The following AP4E1 variants were observed in gnomAD, a reference collection of about 807,000 sequenced individuals.
The protein encoded by AP4E1 is AP-4 complex subunit epsilon-1.
In AP4E1, 56 loss-of-function variants were observed where a neutral mutation model predicts 128.2. The observed-to-expected ratio is 0.44, with a 90% confidence interval of 0.35 to 0.55. The LOEUF is 0.55. Ranked by LOEUF, AP4E1 falls within the 20% of genes least tolerant of loss-of-function variation. The pLI, the probability that AP4E1 is intolerant of heterozygous loss-of-function variation, is 0.00. For missense variants in AP4E1, 1,324 were observed against 1,307.7 expected (o/e 1.01, Z -0.19); for synonymous variants, 484 against 473.1 (o/e 1.02, Z -0.30).
intron 13 of AP4E1, 114 bp downstream of exon 13, chr15:50,950,283 A>AAATGGCC: frequency 1.5e-6 from 1 of 685,854 alleles, no homozygotes; most frequent in Non-Finnish European, 2.4e-6. Context: ...TTCAGCTGTC[A>AAATGGCC]ATTTTTCAAA....
rs2064127375 is a variant in AP4E1 at position 50,950,100 on chromosome 15, G to A, written c.1479G>A (p.Gln493=). ...AGCAATTAAGACTCTATGCAGTTCA[G>A]TCTTATCTCACTTTACTGGATATGG... ...EDQQLRLYAV[Q]SYLTLLDMEN... Residue 493 remains glutamine (Q), a synonymous_variant, in exon 13 of 21, where the codon CAG becomes CAA. Coordinates refer to ENST00000261842, the MANE Select transcript of AP4E1 (RefSeq NM_007347.5). The A allele has an allele frequency of 3.1e-6, 5 of 1,613,414 alleles. No individual in the cohort carries two copies. The highest frequency in any genetic ancestry group is 4.2e-6 in the Non-Finnish European group (5 of 1,179,752).
chr15:50,920,612 A>G (rs1471535279), intron 3 of AP4E1, among the ~76,000 whole-genome samples: 1 of 151,508 alleles, frequency 6.6e-6, no homozygotes, highest in African/African-American at 2.4e-5. Context: ...GTTAGCCAGG[A>G]TGGTCTGGAA....
intron 16 of AP4E1, among the ~76,000 whole-genome samples, chr15:50,990,560 GTTT>G (rs1421068714): frequency 6.6e-6 from 1 of 151,740 alleles, no homozygotes; most frequent in Non-Finnish European, 1.5e-5. Context: ...TAATTTTTAT[GTTT>G]TTAGTAGAGG....
intron 2 of AP4E1, among the ~76,000 whole-genome samples, chr15:50,914,023 T>C (rs1278225332): frequency 1.3e-5 from 2 of 152,168 alleles, no homozygotes; most frequent in African/African-American, 2.4e-5. Flanking sequence ...TTTCACCATG[T>C]TGGTCAGGCT....
chr15:50,998,486 T>C (rs961599530), intron 18 of AP4E1, among the ~76,000 whole-genome samples: 1 of 151,918 alleles, frequency 6.6e-6, no homozygotes, highest in Non-Finnish European at 1.5e-5. Context: ...AAAAATTAGC[T>C]GGGCATGGTG....
chr15:50,925,260 T>G (rs748754405), intron 5 of AP4E1, 41 bp downstream of exon 5: 2 of 1,593,770 alleles, frequency 1.3e-6, no homozygotes, highest in Non-Finnish European at 1.7e-6. Context: ...TGCCATATAT[T>G]TCAAAACAGA....
intron 5 of AP4E1, 45 bp from the exon 6 acceptor site, chr15:50,928,964 T>G: frequency 6.9e-6 from 11 of 1,596,164 alleles, no homozygotes; most frequent in Middle Eastern, 1.7e-4. Flanking sequence ...AGTAAATACT[T>G]GAGAATTCAG....
At chr15:50,938,424 T>G (rs1281871259) in intron 8 of AP4E1, among the ~76,000 whole-genome samples, 6 of 152,004 alleles carry the variant, frequency 3.9e-5, no homozygotes, top group Non-Finnish European at 5.9e-5. Flanking sequence ...AGCCAAGATT[T>G]CCATCATCAC....
rs1367388005 is a variant in AP4E1 at position 50,929,031 on chromosome 15, GT to G, written c.567del (p.Leu190TrpfsTer43). The G allele has an allele frequency of 1.2e-5, 19 of 1,613,638 alleles. No homozygotes were observed. The highest frequency in any genetic ancestry group is 1.6e-5 in the Non-Finnish European group (19 of 1,179,854). ...CAGGGAGATTGTACGAAGAAAAGCT[GT>G]TCTGGCATTATACAAATTCCATCTC... Reference protein sequence around the residue: ...HSKEIVRRKAVLALYKFHLIA... With the variant: ...HSKEIVRRKAXLALYKFHLIA... On this transcript the variant is annotated frameshift_variant, in exon 6 of 21. Transcript: ENST00000261842. LOFTEE classifies it high-confidence loss of function.
chr15:50,953,433 A>G (rs2064177974), intron 13 of AP4E1, among the ~76,000 whole-genome samples: 1 of 152,202 alleles, frequency 6.6e-6, no homozygotes, highest in Non-Finnish European at 1.5e-5. Flanking sequence ...AACAATTTAT[A>G]AGTTTTAAAT....
rs2064984361 is a variant in AP4E1 at position 51,003,115 on chromosome 15, G to T, written c.*453G>T. The T allele has an allele frequency of 1.0e-5, 2 of 192,974 alleles. No individual in the cohort carries two copies. Among genetic ancestry groups the T allele is most frequent in the Non-Finnish European group, 2.2e-5 (2 of 92,952 alleles). 12.0% of individuals were successfully genotyped at this position (192,974 alleles called of 1,614,324 possible). On this transcript the variant is annotated 3_prime_UTR_variant, in exon 21 of 21. Coordinates refer to ENST00000261842, the MANE Select transcript of AP4E1 (RefSeq NM_007347.5). ...TTTGGAATGTAGTGTATGGTTTTTG[G>T]TAGGGAAGTCAATATTTTCGATTAT...
At chr15:50,939,972 A>G (rs1251876651) in intron 8 of AP4E1, among the ~76,000 whole-genome samples, 2 of 152,134 alleles carry the variant, frequency 1.3e-5, no homozygotes, top group East Asian at 1.9e-4. Context: ...TTTGTTTTTT[A>G]CAGCCTTTTA....
intron 14 of AP4E1, among the ~76,000 whole-genome samples, chr15:50,958,999 GT>G (rs977236399): frequency 1.3e-5 from 2 of 152,104 alleles, no homozygotes; most frequent in African/African-American, 4.8e-5. Flanking sequence ...ATCACCTGAG[GT>G]TGGGAGTTTG....
intron 10 of AP4E1, among the ~76,000 whole-genome samples, chr15:50,943,982 C>T (rs1567226446): frequency 6.6e-6 from 1 of 152,136 alleles, no homozygotes; most frequent in Admixed American, 6.5e-5. Flanking sequence ...AGCAAAACCA[C>T]AGATAGGGGG....
intron 14 of AP4E1, among the ~76,000 whole-genome samples, chr15:50,960,335 A>G (rs886375368): frequency 1.3e-5 from 2 of 152,156 alleles, no homozygotes; most frequent in African/African-American, 4.8e-5. Flanking sequence ...CTTCTCATCA[A>G]CACATGGAAC....
intron 8 of AP4E1, among the ~76,000 whole-genome samples, chr15:50,939,244 G>C: frequency 6.6e-6 from 1 of 152,002 alleles, no homozygotes; most frequent in East Asian, 1.9e-4. Context: ...AGGCTGAGTT[G>C]GGCAGATCAC....
chr15:50,908,526 C>G (rs919401552), upstream of AP4E1: 22 of 420,024 alleles, frequency 5.2e-5, no homozygotes, highest in African/African-American at 3.8e-4. Context: ...ACCGCTACCC[C>G]GTCGCGAGAA....
intron 1 of AP4E1, 25 bp downstream of exon 1, chr15:50,908,953 TC>T: frequency 6.2e-6 from 10 of 1,609,444 alleles, no homozygotes; most frequent in Non-Finnish European, 8.5e-6. Context: ...GCCCGGGAGC[TC>T]AGGGACATCG....
chr15:50,990,328 T>A (rs901375997), intron 16 of AP4E1, among the ~76,000 whole-genome samples: 6 of 139,258 alleles, frequency 4.3e-5, no homozygotes, highest in African/African-American at 1.0e-4. Flanking sequence ...TTTCCCATTT[T>A]TTATTATTTA....
Sources: allele counts gnomAD v4.1 joint callset (sites outside exome capture counted in the v4.1 genomes callset), GRCh38; gene constraint gnomAD v4.1.1; transcripts MANE v1.5; gene names NCBI Gene and HGNC (gene_info 2026-07-23, HGNC 2026-07-21).